The following TGFBR1 variants were observed in gnomAD, a reference collection of about 807,000 sequenced individuals.
TGFBR1 encodes the protein TGF-beta receptor type-1.
Under a neutral mutation model 55.1 loss-of-function variants are expected in TGFBR1, and 20 were observed. The ratio of observed to expected loss-of-function variants is 0.36; its 90% CI spans 0.26 to 0.53. The LOEUF (loss-of-function observed/expected upper bound fraction) is 0.53. Among genes scored for constraint, TGFBR1 ranks in the 20% least tolerant of loss-of-function variants. The pLI is 0.91. For synonymous variants in TGFBR1, 220 were observed against 214.8 expected, an observed-to-expected ratio of 1.02 and a Z score of -0.21; for missense variants, 385 against 617.6, an observed-to-expected ratio of 0.62 and a Z score of 3.99.
intron 3 of TGFBR1, among the ~76,000 whole-genome samples, chr9:99,134,828 A>G (rs1394072305): frequency 9.0e-6 from 1 of 111,254 alleles, no homozygotes; most frequent in Non-Finnish European, 2.0e-5. Context: ...ATATATATAT[A>G]TATATATATA....
intron 4 of TGFBR1, among the ~76,000 whole-genome samples, chr9:99,138,694 A>G (rs1827514970): frequency 6.6e-6 from 1 of 152,204 alleles, no homozygotes; most frequent in Non-Finnish European, 1.5e-5. Context: ...GAAGGAAGGA[A>G]GCCTGTCAGC....
At chr9:99,141,671 ATGT>A (rs1219401686) in intron 4 of TGFBR1, among the ~76,000 whole-genome samples, 4 of 152,170 alleles carry the variant, frequency 2.6e-5, no homozygotes, top group Non-Finnish European at 5.9e-5. Flanking sequence ...CTGTCTCCTA[ATGT>A]TGTAATGCTT....
intron 1 of TGFBR1, among the ~76,000 whole-genome samples, chr9:99,115,550 G>A (rs938801039): frequency 5.3e-5 from 8 of 152,192 alleles, no homozygotes; most frequent in Non-Finnish European, 1.2e-4. Flanking sequence ...AAGACATACA[G>A]AGATAGAAAA....
At chr9:99,105,101 C>G (rs1446737889), upstream of TGFBR1, 3 of 922,706 alleles carry the variant, frequency 3.3e-6, no homozygotes, top group Non-Finnish European at 2.6e-6. Flanking sequence ...AGGGCCGGAG[C>G]GAGGCCGCCG....
intron 1 of TGFBR1, among the ~76,000 whole-genome samples, chr9:99,125,510 A>G (rs910857507): frequency 1.3e-5 from 2 of 152,252 alleles, no homozygotes; most frequent in South Asian, 2.1e-4. Flanking sequence ...AATAAAGTAC[A>G]TATATGGTAT....
At chr9:99,138,515 G>A (rs1216028965) in intron 4 of TGFBR1, among the ~76,000 whole-genome samples, 2 of 152,188 alleles carry the variant, frequency 1.3e-5, no homozygotes, top group Non-Finnish European at 1.5e-5. Flanking sequence ...TATTAATGGG[G>A]AGAGTAAAAA....
intron 3 of TGFBR1, among the ~76,000 whole-genome samples, chr9:99,135,604 A>T (rs565460557): frequency 6.6e-6 from 1 of 152,298 alleles, no homozygotes; most frequent in East Asian, 1.9e-4. Flanking sequence ...ACATGTGCAT[A>T]TGTGCCAGCT....
intron 3 of TGFBR1, among the ~76,000 whole-genome samples, chr9:99,137,117 A>G (rs949258117): frequency 4.6e-5 from 7 of 152,226 alleles, no homozygotes; most frequent in Admixed American, 4.6e-4. Context: ...ACAGTGCTCC[A>G]TTACCAAGGT....
intron 1 of TGFBR1, among the ~76,000 whole-genome samples, chr9:99,115,787 A>G (rs942172599): frequency 1.3e-5 from 2 of 152,202 alleles, no homozygotes; most frequent in Non-Finnish European, 2.9e-5. Flanking sequence ...AAGATTGTGT[A>G]TTGTAGATTT....
intron 5 of TGFBR1, among the ~76,000 whole-genome samples, chr9:99,142,963 G>A (rs1298463632): frequency 2.6e-5 from 4 of 152,126 alleles, no homozygotes; most frequent in Non-Finnish European, 4.4e-5. Context: ...GGGGGCTGAG[G>A]TAGGAGGATT....
At chr9:99,111,649 A>C in intron 1 of TGFBR1, among the ~76,000 whole-genome samples, 1 of 152,100 alleles carries the variant, frequency 6.6e-6, no homozygotes, top group East Asian at 1.9e-4. Context: ...AACAAACAAA[A>C]AAACAGCAAC....
At chr9:99,146,397 A>T (rs571089595) in intron 6 of TGFBR1, 88 bp from the exon 7 acceptor site, 1 of 1,420,726 alleles carries the variant, frequency 7.0e-7, no homozygotes, top group Admixed American at 1.7e-5. Context: ...ACATATGTCT[A>T]TGTATAAAGA....
chr9:99,141,434 T>C (rs905516876), intron 4 of TGFBR1, among the ~76,000 whole-genome samples: 1 of 152,242 alleles, frequency 6.6e-6, no homozygotes, highest in Non-Finnish European at 1.5e-5. Context: ...TTCATGTCAA[T>C]ATGGATTTTT....
chr9:99,124,761 C>T (rs550772558), intron 1 of TGFBR1, among the ~76,000 whole-genome samples: 204 of 152,122 alleles, frequency 1.3e-3, no homozygotes, highest in African/African-American at 4.7e-3. Flanking sequence ...CCTAGTTAAG[C>T]TTTGTGTTAT....
chr9:99,126,253 C>A (rs1047142016), intron 1 of TGFBR1, among the ~76,000 whole-genome samples: 3 of 152,070 alleles, frequency 2.0e-5, no homozygotes, highest in Non-Finnish European at 4.4e-5. Context: ...AAATTGGAAC[C>A]CCAAACTAAA....
chr9:99,139,875 A>G (rs550983194), intron 4 of TGFBR1, among the ~76,000 whole-genome samples: 1 of 152,272 alleles, frequency 6.6e-6, no homozygotes, highest in South Asian at 2.1e-4. Flanking sequence ...TGGATTGTTT[A>G]TCCTGAAGGG....
chr9:99,118,057 G>A (rs1488138135), intron 1 of TGFBR1, among the ~76,000 whole-genome samples: 1 of 152,082 alleles, frequency 6.6e-6, no homozygotes, highest in East Asian at 1.9e-4. Flanking sequence ...TCTCTGCAGA[G>A]GTCTTTACCT....
chr9:99,109,071 G>A (rs1173009415), intron 1 of TGFBR1, among the ~76,000 whole-genome samples: 1 of 152,118 alleles, frequency 6.6e-6, no homozygotes, highest in African/African-American at 2.4e-5. Context: ...GGTGGGAGTG[G>A]GACAGGGTTG....
At chr9:99,119,710 T>A (rs1826844731) in intron 1 of TGFBR1, among the ~76,000 whole-genome samples, 1 of 152,244 alleles carries the variant, frequency 6.6e-6, no homozygotes, top group Non-Finnish European at 1.5e-5. Flanking sequence ...ACTGTTAATT[T>A]GGGTTGGAAC....
Sources: gnomAD v4.1 joint callset for allele counts (sites outside exome capture counted in the v4.1 genomes callset) on GRCh38, gnomAD v4.1.1 for gene constraint, MANE v1.5 for transcripts, NCBI Gene and HGNC (gene_info 2026-07-23, HGNC 2026-07-21) for gene names.